The following DNAAF9 variants were observed in gnomAD, a reference collection of about 807,000 sequenced individuals.
DNAAF9 encodes the protein dynein axonemal assembly factor 9, also known as shulin.
Under a neutral mutation model 167.0 loss-of-function variants are expected in DNAAF9, and 90 were observed. That is an observed-to-expected ratio of 0.54 (90% confidence interval 0.45 to 0.64). DNAAF9 has a LOEUF of 0.64. Among genes scored for constraint, DNAAF9 ranks in the 30% least tolerant of loss-of-function variants. The probability of loss-of-function intolerance (pLI) is 0.00; values close to 1 mark genes in which losing one functional copy is unlikely to be tolerated. For synonymous variants in DNAAF9, 491 were observed against 508.8 expected, an observed-to-expected ratio of 0.96 and a Z score of 0.47; for missense variants, 1,315 against 1,442.2, an observed-to-expected ratio of 0.91 and a Z score of 1.43.
intron 20 of DNAAF9, among the ~76,000 whole-genome samples, chr20:3,311,986 C>CT (rs775872212): frequency 5.9e-5 from 7 of 118,252 alleles, no homozygotes; most frequent in African/African-American, 1.8e-4. Flanking sequence ...TCTCTTTTTT[C>CT]TTTTTTTTCT....
At chr20:3,345,138 C>T (rs2070168883) in intron 8 of DNAAF9, among the ~76,000 whole-genome samples, 1 of 152,150 alleles carries the variant, frequency 6.6e-6, no homozygotes, top group Non-Finnish European at 1.5e-5. Flanking sequence ...CCTGCCTTAG[C>T]CTCCCAAGTA....
chr20:3,252,483 G>A lies in DNAAF9; in HGVS notation c.*89C>T, dbSNP rs1156865781. ...GGAGAACAAAGACAGCCCCTTAAGG[G>A]AGAGGCCTCCAGCAGAGCTGAGGTT... is the stretch of plus-strand genomic sequence containing the variant. On this transcript the variant is annotated 3_prime_UTR_variant, in exon 37 of 37. Transcript: ENST00000252032. The A allele has an allele frequency of 1.3e-6, 1 of 768,650 alleles. No homozygotes were observed. The highest frequency in any genetic ancestry group is 2.3e-6 in the Non-Finnish European group (1 of 426,586). The allele number at this position is 768,650 out of a possible 1,614,324, so 47.6% of individuals were successfully genotyped here.
At chr20:3,381,530 AC>A in intron 2 of DNAAF9, 32 bp from the exon 3 acceptor site, 1 of 1,606,118 alleles carries the variant, frequency 6.2e-7, no homozygotes, top group Non-Finnish European at 8.5e-7. Context: ...GATCAGCTGT[AC>A]CATACTACAG....
intron 6 of DNAAF9, chr20:3,362,294 C>CT: frequency 1.8e-6 from 2 of 1,087,118 alleles, no homozygotes; most frequent in Non-Finnish European, 2.8e-6. Flanking sequence ...TTGCAAGGGA[C>CT]TTTTACTACT....
At chr20:3,407,252 G>C (rs1485580942) in intron 1 of DNAAF9, among the ~76,000 whole-genome samples, 1 of 152,132 alleles carries the variant, frequency 6.6e-6, no homozygotes, top group East Asian at 1.9e-4. Context: ...GTCTGTGGGG[G>C]AGCCATTGTG....
Position 3,315,746 on chromosome 20 carries a change from G to T in DNAAF9, c.1579C>A (p.Gln527Lys), listed in dbSNP as rs2069490027. 4.3e-6 allele frequency: 7 copies of T among 1,613,316 alleles called. No homozygotes were observed. The East Asian group carries it at 1.3e-4, about 31-fold the overall frequency. Residue 527 changes from glutamine to lysine, a missense_variant, in exon 19 of 37, where the codon CAA (glutamine) becomes AAA (lysine). Gln to Lys is a moderately conservative substitution (Grantham distance 53). Coordinates refer to ENST00000252032, the MANE Select transcript of DNAAF9 (RefSeq NM_001009984.3). This position sits in a 1 kb window ranked among gnomAD's most constrained non-coding sequence, Gnocchi z 4.1. Reference sequence around the variant, plus strand: ...AGAAGGCTGCTTACCCTCACTGCTTGCTGGGTTTTCTCAGACAATTTTACT... The same window carrying T: ...AGAAGGCTGCTTACCCTCACTGCTTTCTGGGTTTTCTCAGACAATTTTACT... Reference protein sequence around the residue: ...NEVKLSEKTQQAVRGDESFLG... With the variant: ...NEVKLSEKTQKAVRGDESFLG...
chr20:3,395,363 C>T (rs2083892662), intron 1 of DNAAF9, among the ~76,000 whole-genome samples: 1 of 152,022 alleles, frequency 6.6e-6, no homozygotes, highest in Admixed American at 6.6e-5. Context: ...TCACTGCAAC[C>T]TCCACCACCC....
chr20:3,351,067 C>T (rs528518166), intron 7 of DNAAF9, among the ~76,000 whole-genome samples: 2 of 152,108 alleles, frequency 1.3e-5, no homozygotes, highest in South Asian at 4.1e-4. Flanking sequence ...AATATAACAC[C>T]CTGTAGGAAG....
intron 1 of DNAAF9, among the ~76,000 whole-genome samples, chr20:3,405,563 C>A (rs577959201): frequency 7.6e-4 from 116 of 152,310 alleles, no homozygotes; most frequent in Admixed American, 2.1e-3. Flanking sequence ...TTGCACTATT[C>A]CTTGTCTGAA....
At chr20:3,317,117 A>G (rs2069517043) in intron 17 of DNAAF9, among the ~76,000 whole-genome samples, 1 of 151,700 alleles carries the variant, frequency 6.6e-6, no homozygotes, top group Non-Finnish European at 1.5e-5. Flanking sequence ...CTGGTCTCAA[A>G]TTCCTGACCT....
intron 21 of DNAAF9, among the ~76,000 whole-genome samples, chr20:3,303,773 C>T (rs6133027): frequency 0.044 from 6,734 of 152,330 alleles, 223 homozygotes; most frequent in African/African-American, 0.094. Context: ...TGGTGTTGCA[C>T]TGAGACGAGC....
intron 23 of DNAAF9, among the ~76,000 whole-genome samples, chr20:3,295,341 G>A (rs955875401): frequency 6.6e-6 from 1 of 151,154 alleles, no homozygotes; most frequent in Non-Finnish European, 1.5e-5. Flanking sequence ...CACCATGCCC[G>A]GATAGTTTTT....
At chr20:3,340,480 G>A in intron 10 of DNAAF9, 24 bp downstream of exon 10, 2 of 747,062 alleles carry the variant, frequency 2.7e-6, no homozygotes, top group Non-Finnish European at 1.9e-6. Context: ...AACTAATCAA[G>A]CACCAGGCAG....
chr20:3,256,747 G>A (rs2068287548), intron 33 of DNAAF9, among the ~76,000 whole-genome samples: 1 of 152,216 alleles, frequency 6.6e-6, no homozygotes, highest in Admixed American at 6.5e-5. Flanking sequence ...ATAGTCCCTG[G>A]TGGTTGCTGG....
intron 17 of DNAAF9, 27 bp downstream of exon 17, chr20:3,318,262 T>G (rs1239420863): frequency 9.7e-7 from 1 of 1,031,256 alleles, no homozygotes; most frequent in Non-Finnish European, 1.5e-6. Flanking sequence ...GCTTAAGGTT[T>G]GCTTTCTAAA....
chr20:3,259,575 C>T (rs761596842), intron 32 of DNAAF9, 21 bp from the exon 33 acceptor site: 5 of 1,569,494 alleles, frequency 3.2e-6, no homozygotes, highest in East Asian at 4.5e-5. Context: ...AAGAGGACAG[C>T]GCTGTCACCC....
intron 17 of DNAAF9, among the ~76,000 whole-genome samples, chr20:3,317,399 A>C (rs2069524200): frequency 6.6e-6 from 1 of 151,168 alleles, no homozygotes; most frequent in Non-Finnish European, 1.5e-5. Flanking sequence ...ACCAAGAAAC[A>C]AAACTTTTGG....
intron 24 of DNAAF9, 41 bp downstream of exon 24, chr20:3,294,487 A>C (rs771435972): frequency 1.8e-5 from 25 of 1,381,884 alleles, no homozygotes; most frequent in Non-Finnish European, 2.5e-5. Flanking sequence ...ACATTTCAAA[A>C]GCCAGAATAT....
intron 20 of DNAAF9, among the ~76,000 whole-genome samples, chr20:3,305,343 G>A (rs954757747): frequency 6.6e-6 from 1 of 152,164 alleles, no homozygotes; most frequent in Non-Finnish European, 1.5e-5. Context: ...TGCTCTCTGG[G>A]GCTGGTCCAA....
Sources: allele counts gnomAD v4.1 joint callset (sites outside exome capture counted in the v4.1 genomes callset), GRCh38; gene constraint gnomAD v4.1.1; non-coding constraint Gnocchi (gnomAD v3.1); transcripts MANE v1.5; gene names NCBI Gene and HGNC (gene_info 2026-07-23, HGNC 2026-07-21).